The following SLIT2 variants were observed in gnomAD, a reference collection of about 807,000 sequenced individuals.
The protein encoded by SLIT2 is slit homolog 2 protein.
Under a neutral mutation model 185.7 loss-of-function variants are expected in SLIT2, and 41 were observed. The observed-to-expected ratio is 0.22, with a 90% CI of 0.17 to 0.29. The LOEUF is 0.29. SLIT2 is among the 10% of genes least tolerant of loss of function. The probability of loss-of-function intolerance (pLI) is 1.00; values close to 1 mark genes in which losing one functional copy is unlikely to be tolerated. For missense variants in SLIT2, 1,571 were observed against 1,909.0 expected (o/e 0.82, Z 3.30); for synonymous variants, 693 against 680.2 (o/e 1.02, Z -0.29).
At chr4:20,608,416 G>T (rs565126177) in intron 33 of SLIT2, among the ~76,000 whole-genome samples, 1 of 152,238 alleles carries the variant, frequency 6.6e-6, no homozygotes, top group South Asian at 2.1e-4. Flanking sequence ...CACTAATGGT[G>T]TGCAACTATA....
At chr4:20,552,893 T>A (rs959927805) in intron 25 of SLIT2, among the ~76,000 whole-genome samples, 2 of 152,206 alleles carry the variant, frequency 1.3e-5, no homozygotes, top group African/African-American at 4.8e-5. Context: ...TTTCTTAATC[T>A]GTAAAGTCAA....
chr4:20,421,500 G>T (rs1317253210), intron 4 of SLIT2, among the ~76,000 whole-genome samples: 2 of 152,086 alleles, frequency 1.3e-5, no homozygotes, highest in Non-Finnish European at 2.9e-5. Flanking sequence ...GAGTTAGAAG[G>T]AAAGCTTTAA....
chr4:20,455,318 A>T (rs1191605770), intron 4 of SLIT2, among the ~76,000 whole-genome samples: 3 of 152,162 alleles, frequency 2.0e-5, no homozygotes, highest in Admixed American at 6.6e-5. Context: ...GTGAACCAGA[A>T]CAGACAAGAC....
intron 4 of SLIT2, among the ~76,000 whole-genome samples, chr4:20,362,775 C>T (rs949573006): frequency 2.6e-5 from 4 of 151,952 alleles, no homozygotes; most frequent in Admixed American, 2.6e-4. Flanking sequence ...TTTGCTTCAT[C>T]TTAATCTCAA....
chr4:20,273,315 CATT>C (rs1713826846), intron 4 of SLIT2, among the ~76,000 whole-genome samples: 1 of 151,594 alleles, frequency 6.6e-6, no homozygotes, highest in African/African-American at 2.4e-5. Flanking sequence ...CAGATATAGC[CATT>C]ATTATACTTA....
At chr4:20,490,544 T>A (rs1321265981) in intron 8 of SLIT2, among the ~76,000 whole-genome samples, 1 of 152,144 alleles carries the variant, frequency 6.6e-6, no homozygotes, top group African/African-American at 2.4e-5. Flanking sequence ...AAACGTATAA[T>A]GCATCGTAAG....
At chr4:20,573,063 C>T (rs533942594) in intron 29 of SLIT2, among the ~76,000 whole-genome samples, 1 of 152,182 alleles carries the variant, frequency 6.6e-6, no homozygotes, top group Non-Finnish European at 1.5e-5. Flanking sequence ...GCCTCATTTT[C>T]TCCATGTTTG....
chr4:20,253,669 G>A lies in SLIT2; in HGVS notation c.-147G>A, dbSNP rs1336857884. 4.3e-6 allele frequency: 4 copies of A among 922,482 alleles called. No individual in the cohort carries two copies. The highest frequency in any genetic ancestry group is 6.6e-6 in the Non-Finnish European group (4 of 610,350). 57.1% of individuals were successfully genotyped at this position (922,482 alleles called of 1,614,324 possible). On this transcript the variant is annotated 5_prime_UTR_variant, in exon 1 of 37. Coordinates refer to ENST00000504154, the MANE Select transcript of SLIT2 (RefSeq NM_004787.4). ...GTGCCTGAGTGGGCTCTACTGCCTT[G>A]TTCCATATTATTTGGTGCACATTTT...
chr4:20,528,867 T>A lies in SLIT2; in HGVS notation c.1463-82T>A, dbSNP rs551196345. 1.7e-5 allele frequency: 19 copies of A among 1,116,500 alleles called. No individual in the cohort carries two copies. The highest frequency in any genetic ancestry group is 3.1e-5 in the African/African-American group (2 of 64,586). The allele number at this position is 1,116,500 out of a possible 1,614,324, so 69.2% of individuals were successfully genotyped here. On this transcript the variant is annotated intron_variant, in intron 15 of 36. Coordinates refer to ENST00000504154, the MANE Select transcript of SLIT2 (RefSeq NM_004787.4). This position sits in a 1 kb window ranked among gnomAD's most constrained non-coding sequence, Gnocchi z 4.2. ...CTCCCTGCTACATAATCTATAGTTA[T>A]CTTACTTTTTTCTTCCTACAAACTA...
intron 23 of SLIT2, among the ~76,000 whole-genome samples, chr4:20,548,821 G>T (rs1049219293): frequency 1.3e-5 from 2 of 152,152 alleles, no homozygotes; most frequent in Non-Finnish European, 2.9e-5. Flanking sequence ...CCTTAGGGAA[G>T]GGACGGCTGA....
At chr4:20,488,589 G>A (rs928717643) in intron 7 of SLIT2, among the ~76,000 whole-genome samples, 15 of 151,816 alleles carry the variant, frequency 9.9e-5, no homozygotes, top group Admixed American at 3.3e-4. Context: ...AAATATGTTC[G>A]TTTAAAACAT....
intron 4 of SLIT2, among the ~76,000 whole-genome samples, chr4:20,278,949 A>G (rs1208594747): frequency 6.6e-6 from 1 of 152,158 alleles, no homozygotes; most frequent in Admixed American, 6.5e-5. Flanking sequence ...TATTTCTTTT[A>G]TACTAAGGAA....
chr4:20,334,543 G>T (rs899402755), intron 4 of SLIT2, among the ~76,000 whole-genome samples: 13 of 152,216 alleles, frequency 8.5e-5, no homozygotes, highest in African/African-American at 3.1e-4. Context: ...TAATTGGTAT[G>T]AACTCAGTTA....
At position 20,335,504 on chromosome 4, in the gene SLIT2, G is replaced by A. The variant is rs192651228; in HGVS notation, c.395+66623G>A. 5.4e-3 allele frequency among the ~76,000 whole-genome samples: 818 copies of A among 152,228 alleles called. 20 individuals are homozygous for A. The highest frequency in any genetic ancestry group is 0.045 in the Admixed American group (693 of 15,280). On this transcript the variant is annotated intron_variant, in intron 4 of 36. Coordinates refer to ENST00000504154, the MANE Select transcript of SLIT2 (RefSeq NM_004787.4). ...TATTGAGCTTATATTATGTAACAGG[G>A]CGGGTTAAAAAATATGAGTTGAAAT...
At chr4:20,302,145 A>G (rs1241282187) in intron 4 of SLIT2, among the ~76,000 whole-genome samples, 1 of 152,242 alleles carries the variant, frequency 6.6e-6, no homozygotes, top group Non-Finnish European at 1.5e-5. Flanking sequence ...GCAGAAACAC[A>G]TGACACATTT....
intron 4 of SLIT2, among the ~76,000 whole-genome samples, chr4:20,413,406 G>C (rs557927122): frequency 6.6e-6 from 1 of 152,138 alleles, no homozygotes; most frequent in South Asian, 2.1e-4. Flanking sequence ...TGGAATTAAT[G>C]TGTATTTTTA....
intron 4 of SLIT2, among the ~76,000 whole-genome samples, chr4:20,340,248 T>C (rs1720854321): frequency 6.6e-6 from 1 of 152,180 alleles, no homozygotes; most frequent in South Asian, 2.1e-4. Flanking sequence ...CTACCCTTTC[T>C]TTCTCTTAAT....
At position 20,343,802 on chromosome 4, in the gene SLIT2, T is replaced by TAAAAA. The variant is rs34514669; in HGVS notation, c.395+74937_395+74941dup. 2.6e-3 allele frequency among the ~76,000 whole-genome samples: 339 copies of TAAAAA among 130,594 alleles called. 4 individuals carry two copies. The highest frequency in any genetic ancestry group is 8.8e-3 in the African/African-American group (304 of 34,610). The allele number at this position is 130,594 out of a possible 152,430, so 85.7% of individuals were successfully genotyped here. On this transcript the variant is annotated intron_variant, in intron 4 of 36. Coordinates refer to ENST00000504154, the MANE Select transcript of SLIT2 (RefSeq NM_004787.4). Reference sequence around the variant, plus strand: ...GATTATAGGCATGAGTCCTTAAAACTAAAAAAAAAAAAAAAAAAAATTGAC... The same window carrying TAAAAA: ...GATTATAGGCATGAGTCCTTAAAACTAAAAAAAAAAAAAAAAAAAAAAAAATTGAC...
intron 4 of SLIT2, among the ~76,000 whole-genome samples, chr4:20,289,287 G>C (rs1275698836): frequency 6.6e-6 from 1 of 152,072 alleles, no homozygotes; most frequent in African/African-American, 2.4e-5. Context: ...TCCTCATAGA[G>C]GGATAATAAA....
Sources: gnomAD v4.1 joint callset for allele counts (sites outside exome capture counted in the v4.1 genomes callset) on GRCh38, gnomAD v4.1.1 for gene constraint, Gnocchi (gnomAD v3.1) non-coding constraint, MANE v1.5 for transcripts, NCBI Gene and HGNC (gene_info 2026-07-23, HGNC 2026-07-21) for gene names.